The following SUSD6 variants were observed in gnomAD, a reference collection of about 807,000 sequenced individuals.
SUSD6 encodes sushi domain-containing protein 6.
Under a neutral mutation model 28.4 loss-of-function variants are expected in SUSD6, and 16 were observed. The ratio of observed to expected loss-of-function variants is 0.56; its 90% confidence interval spans 0.38 to 0.86. The LOEUF is 0.86. Ranked by LOEUF, SUSD6 falls within the 40% of genes least tolerant of loss-of-function variation. The pLI, the probability that SUSD6 is intolerant of heterozygous loss-of-function variation, is 0.00. For missense variants in SUSD6, 341 were observed against 384.2 expected, an observed-to-expected ratio of 0.89 and a Z score of 0.94; for synonymous variants, 147 against 159.6, an observed-to-expected ratio of 0.92 and a Z score of 0.59.
intron 1 of SUSD6, among the ~76,000 whole-genome samples, chr14:69,618,051 G>A (rs1884984810): frequency 6.6e-6 from 1 of 152,162 alleles, no homozygotes; most frequent in Non-Finnish European, 1.5e-5. Context: ...TCCCTGTGTG[G>A]TTTTACATCA....
intron 2 of SUSD6, among the ~76,000 whole-genome samples, chr14:69,699,120 G>C (rs1440794760): frequency 6.6e-6 from 1 of 152,206 alleles, no homozygotes; most frequent in Non-Finnish European, 1.5e-5. Flanking sequence ...GCATCACTGA[G>C]AGGGTCCTCT....
chr14:69,679,951 G>T (rs545068084), intron 2 of SUSD6, among the ~76,000 whole-genome samples: 2 of 152,256 alleles, frequency 1.3e-5, no homozygotes, highest in East Asian at 3.9e-4. Flanking sequence ...ACACTTATAT[G>T]GCCTGAATGG....
intron 1 of SUSD6, among the ~76,000 whole-genome samples, chr14:69,656,129 C>T (rs1044959994): frequency 6.7e-6 from 1 of 150,180 alleles, no homozygotes; most frequent in Non-Finnish European, 1.5e-5. Context: ...CCTCTTCCTC[C>T]ATTCTTCCCT....
At chr14:69,667,616 C>A (rs965977544) in intron 2 of SUSD6, among the ~76,000 whole-genome samples, 4 of 151,792 alleles carry the variant, frequency 2.6e-5, no homozygotes, top group Admixed American at 2.0e-4. Flanking sequence ...ATCTCCTGAC[C>A]TTGTGATCCG....
At chr14:69,692,034 G>A (rs1222113164) in intron 2 of SUSD6, among the ~76,000 whole-genome samples, 7 of 134,110 alleles carry the variant, frequency 5.2e-5, no homozygotes, top group African/African-American at 2.1e-4. Context: ...GTGAGACTCC[G>A]TCTCAAAAAA....
intron 1 of SUSD6, among the ~76,000 whole-genome samples, chr14:69,616,637 A>T (rs1220094961): frequency 6.6e-6 from 1 of 152,214 alleles, no homozygotes; most frequent in African/African-American, 2.4e-5. Flanking sequence ...TTGAAGGAAG[A>T]CTGAGAGATG....
Position 69,708,965 on chromosome 14 carries a change from T to C in SUSD6, c.747T>C (p.Thr249=), listed in dbSNP as rs1158897369. The change falls in exon 5 of 6, where the codon ACT becomes ACC. Residue 249 remains threonine, a synonymous_variant. Coordinates refer to ENST00000342745, the MANE Select transcript of SUSD6 (RefSeq NM_014734.4). Reference sequence around the variant, plus strand: ...CCTGGGGCTCTCGGGCCTCAGAGACTGTGATGGTGCATCAGGCAACCACCT... The same window carrying C: ...CCTGGGGCTCTCGGGCCTCAGAGACCGTGATGGTGCATCAGGCAACCACCT... The part of the protein sequence containing the change: ...CEAWGSRASE[T]VMVHQATTSS... 6.2e-7 allele frequency: 1 copy of C among 1,614,174 alleles called. No individual in the cohort carries two copies. Among genetic ancestry groups the C allele is most frequent in the Non-Finnish European group, 8.5e-7 (1 of 1,180,036 alleles).
At chr14:69,690,292 G>A (rs1305133840) in intron 2 of SUSD6, among the ~76,000 whole-genome samples, 1 of 152,186 alleles carries the variant, frequency 6.6e-6, no homozygotes, top group Admixed American at 6.5e-5. Flanking sequence ...TCACTATTTT[G>A]AGGTTGTTTT....
Position 69,669,846 on chromosome 14 carries a change from G to A in SUSD6, c.121+11133G>A, listed in dbSNP as rs7140674. ...ATGGAATTAACAAGAGCTCCTAGTC[G>A]TAGTTCTTTCTCTTGGGAGGATGTC... On this transcript the variant is annotated intron_variant, in intron 2 of 5. Coordinates refer to ENST00000342745, the MANE Select transcript of SUSD6 (RefSeq NM_014734.4). Among the ~76,000 whole-genome samples the A allele has an allele frequency of 1.8e-3, 268 of 152,306 alleles. 7 individuals carry two copies. The highest frequency in any genetic ancestry group is 2.3e-3 in the Admixed American group (35 of 15,302).
chr14:69,700,166 A>G (rs567381608), intron 2 of SUSD6, among the ~76,000 whole-genome samples: 4 of 152,098 alleles, frequency 2.6e-5, no homozygotes, highest in South Asian at 2.1e-4. Flanking sequence ...TTGCTTATCT[A>G]TGCAGCTCGA....
intron 2 of SUSD6, among the ~76,000 whole-genome samples, chr14:69,698,531 T>C (rs1467537615): frequency 6.6e-6 from 1 of 152,208 alleles, no homozygotes; most frequent in Non-Finnish European, 1.5e-5. Context: ...CTGGAGCTTA[T>C]TTTGCTTTGC....
Position 69,714,477 on chromosome 14 carries a change from G to T in SUSD6, c.*3498G>T, listed in dbSNP as rs1279588507. Reference sequence around the variant, plus strand: ...AAAAGGCCTAGCAGGGAAGCAGCATGCAGGCTTCACAGCTTAATGCCAAGG... The same window carrying T: ...AAAAGGCCTAGCAGGGAAGCAGCATTCAGGCTTCACAGCTTAATGCCAAGG... On this transcript the variant is annotated 3_prime_UTR_variant, in exon 6 of 6. Coordinates refer to ENST00000342745, the MANE Select transcript of SUSD6 (RefSeq NM_014734.4). 1 of 152,216 alleles carries T rather than the reference G, an allele frequency of 6.6e-6. No homozygotes were observed. The highest frequency in any genetic ancestry group is 2.4e-5 in the African/African-American group (1 of 41,436). The allele number at this position is 152,216 out of a possible 1,614,324, so 9.4% of individuals were successfully genotyped here. A position where few individuals can be genotyped will look rare whatever the true frequency, so the allele number is the denominator to read the frequency against.
At chr14:69,657,990 CG>C (rs1885609211) in intron 1 of SUSD6, among the ~76,000 whole-genome samples, 1 of 152,218 alleles carries the variant, frequency 6.6e-6, no homozygotes, top group South Asian at 2.1e-4. Flanking sequence ...TCACGGCTGT[CG>C]AGTCAGGTCC....
chr14:69,660,291 A>G (rs1162607568), intron 2 of SUSD6, among the ~76,000 whole-genome samples: 1 of 152,180 alleles, frequency 6.6e-6, no homozygotes, highest in Non-Finnish European at 1.5e-5. Flanking sequence ...GGAAGAAACA[A>G]TTACAGATTT....
intron 1 of SUSD6, among the ~76,000 whole-genome samples, chr14:69,624,256 A>G (rs1198491856): frequency 6.6e-6 from 1 of 152,244 alleles, no homozygotes; most frequent in Non-Finnish European, 1.5e-5. Context: ...AGGCTATGCC[A>G]TGTAGCTGAG....
At chr14:69,665,350 C>T (rs1371666273) in intron 2 of SUSD6, among the ~76,000 whole-genome samples, 1 of 152,142 alleles carries the variant, frequency 6.6e-6, no homozygotes, top group Non-Finnish European at 1.5e-5. Context: ...AAGTGATCCT[C>T]CCGCCTCACC....
intron 2 of SUSD6, among the ~76,000 whole-genome samples, chr14:69,680,692 A>G (rs1185910831): frequency 6.6e-6 from 1 of 151,694 alleles, no homozygotes; most frequent in Non-Finnish European, 1.5e-5. Flanking sequence ...ATTTTTATTT[A>G]TTTTCCTAGT....
chr14:69,652,802 A>G (rs1885522952), intron 1 of SUSD6, among the ~76,000 whole-genome samples: 1 of 152,160 alleles, frequency 6.6e-6, no homozygotes, highest in South Asian at 2.1e-4. Context: ...TTAACTTGGA[A>G]GCATCTGTGG....
rs940061964 is a variant in SUSD6, at chr14:69,714,707, G to C, written c.*3728G>C. 1 of 152,254 alleles carries C rather than the reference G, an allele frequency of 6.6e-6. No homozygotes were observed. Among genetic ancestry groups the C allele is most frequent in the African/African-American group, 2.4e-5 (1 of 41,456 alleles). The allele number at this position is 152,254 out of a possible 1,614,324, so 9.4% of individuals were successfully genotyped here. ...GCTGGGAAATGGCTCTTAATTTCCA[G>C]TTGAAACCCTAGTAGAATTGTGAAT... On this transcript the variant is annotated 3_prime_UTR_variant, in exon 6 of 6. Transcript: ENST00000342745.
Sources: gnomAD v4.1 joint callset for allele counts (sites outside exome capture counted in the v4.1 genomes callset) on GRCh38, gnomAD v4.1.1 for gene constraint, MANE v1.5 for transcripts, NCBI Gene and HGNC (gene_info 2026-07-23, HGNC 2026-07-21) for gene names.